Variants in CYYR1 observed in about 807,000 individuals in gnomAD.
The protein encoded by CYYR1 is cysteine and tyrosine-rich protein 1.
In CYYR1, 14 loss-of-function variants were observed where a neutral mutation model predicts 15.2. The ratio of observed to expected loss-of-function variants is 0.92; its 90% confidence interval spans 0.61 to 1.44. The LOEUF (loss-of-function observed/expected upper bound fraction) is 1.44, where lower values mean the gene tolerates loss of function less well. Ranked by LOEUF, CYYR1 falls within the 40% of genes most tolerant of loss-of-function variation. The pLI, the probability that CYYR1 is intolerant of heterozygous loss-of-function variation, is 0.00. For missense variants in CYYR1, 228 were observed against 209.5 expected, an observed-to-expected ratio of 1.09 and a Z score of -0.54; for synonymous variants, 80 against 77.4, an observed-to-expected ratio of 1.03 and a Z score of -0.18.
chr21:26,554,576 C>A (rs1197708328), intron 2 of CYYR1, among the ~76,000 whole-genome samples: 1 of 152,028 alleles, frequency 6.6e-6, no homozygotes, highest in Non-Finnish European at 1.5e-5. Context: ...ATTAAGGGCA[C>A]CATTTATTTC....
At chr21:26,572,827 C>T (rs369765568) in intron 1 of CYYR1, 41 bp downstream of exon 1, 3 of 1,608,912 alleles carry the variant, frequency 1.9e-6, no homozygotes, top group African/African-American at 1.3e-5. Context: ...CCAAGGGCAG[C>T]CCCGAGCCTC....
intron 2 of CYYR1, among the ~76,000 whole-genome samples, chr21:26,552,699 C>G (rs1315610481): frequency 6.6e-6 from 1 of 152,054 alleles, no homozygotes; most frequent in African/African-American, 2.4e-5. Context: ...ATATACTTAA[C>G]TCTTCATCAT....
At chr21:26,529,731 C>T (rs949847740) in intron 2 of CYYR1, among the ~76,000 whole-genome samples, 3 of 152,200 alleles carry the variant, frequency 2.0e-5, no homozygotes, top group African/African-American at 7.2e-5. Context: ...ATCAGCTGTA[C>T]ATAGTGCTAT....
At chr21:26,495,283 T>A (rs182183115) in intron 2 of CYYR1, among the ~76,000 whole-genome samples, 168 of 152,304 alleles carry the variant, frequency 1.1e-3, no homozygotes, top group African/African-American at 3.6e-3. Flanking sequence ...TAGTAATCTT[T>A]GGGTCCACAG....
At chr21:26,570,177 T>C (rs1980917044) in intron 1 of CYYR1, among the ~76,000 whole-genome samples, 1 of 152,176 alleles carries the variant, frequency 6.6e-6, no homozygotes, top group South Asian at 2.1e-4. Flanking sequence ...TCATTCCAAT[T>C]TGTCTTCAGA....
chr21:26,511,818 A>G lies in CYYR1; in HGVS notation c.177-31389T>C, dbSNP rs1223664608. 3.9e-5 allele frequency among the ~76,000 whole-genome samples: 6 copies of G among 152,132 alleles called. No individual in the cohort carries two copies. In the East Asian group the frequency reaches 1.2e-3, roughly 29 times the overall value. Reference sequence around the variant, plus strand: ...TTCTTTTAAGACACTTCTGCCATTCACTTTTATAAAAGACATCCAGAGAGC... The same window carrying G: ...TTCTTTTAAGACACTTCTGCCATTCGCTTTTATAAAAGACATCCAGAGAGC... On this transcript the variant is annotated intron_variant, in intron 2 of 3. Transcript: ENST00000652641.
chr21:26,573,068 T>G lies in CYYR1; in HGVS notation c.-128A>C, dbSNP rs1981118395. 1.3e-6 allele frequency: 2 copies of G among 1,542,282 alleles called. No individual in the cohort carries two copies. The highest frequency in any genetic ancestry group is 8.7e-7 in the Non-Finnish European group (1 of 1,145,044). On this transcript the variant is annotated 5_prime_UTR_variant, in exon 1 of 4. Transcript: ENST00000652641. ...CCGGGTGGAGCAGAGACCCGGCCAT[T>G]GCCTAGGGAGCCTTCCAAGGGAGCC...
intron 2 of CYYR1, among the ~76,000 whole-genome samples, chr21:26,559,826 C>T (rs980339205): frequency 1.3e-5 from 2 of 152,146 alleles, no homozygotes; most frequent in African/African-American, 4.8e-5. Flanking sequence ...TAACCAATAT[C>T]ACACAATTTC....
intron 2 of CYYR1, chr21:26,482,367 A>ATCCCACATT (rs1425496292): frequency 1.0e-6 from 1 of 985,220 alleles, no homozygotes; most frequent in African/African-American, 1.7e-5. Flanking sequence ...CATTATCAGT[A>ATCCCACATT]GCTTTTTCAT....
At chr21:26,543,950 C>T (rs1438834470) in intron 2 of CYYR1, among the ~76,000 whole-genome samples, 1 of 151,752 alleles carries the variant, frequency 6.6e-6, no homozygotes, top group Non-Finnish European at 1.5e-5. Context: ...AATAAATGGT[C>T]ACACATAGCT....
At chr21:26,559,271 T>A (rs948644433) in intron 2 of CYYR1, among the ~76,000 whole-genome samples, 1 of 152,202 alleles carries the variant, frequency 6.6e-6, no homozygotes, top group African/African-American at 2.4e-5. Flanking sequence ...TATGCCTTTT[T>A]TTGTGCACAC....
chr21:26,471,089 C>A (rs1198152097), intron 3 of CYYR1: 1 of 152,176 alleles, frequency 6.6e-6, no homozygotes, highest in Admixed American at 6.6e-5. Flanking sequence ...CCTGTGGAGT[C>A]TAAATACACA....
intron 3 of CYYR1, among the ~76,000 whole-genome samples, chr21:26,469,140 A>G (rs2065003785): frequency 6.6e-6 from 1 of 152,192 alleles, no homozygotes; most frequent in Non-Finnish European, 1.5e-5. Context: ...GAAAAGCTGC[A>G]ACAATGTAAT....
chr21:26,499,876 C>G (rs1419192848), intron 2 of CYYR1, among the ~76,000 whole-genome samples: 1 of 147,724 alleles, frequency 6.8e-6, no homozygotes, highest in Non-Finnish European at 1.5e-5. Flanking sequence ...TATGGTAGTG[C>G]AGGGAGAGAA....
chr21:26,533,872 C>A (rs1275246862), intron 2 of CYYR1, among the ~76,000 whole-genome samples: 3 of 152,116 alleles, frequency 2.0e-5, no homozygotes, highest in Non-Finnish European at 2.9e-5. Context: ...CCACCAAAGT[C>A]ACTTATTCTT....
chr21:26,562,727 AACACAC>A (rs58990363), intron 2 of CYYR1, among the ~76,000 whole-genome samples: 19,221 of 131,544 alleles, frequency 0.15, 1,330 homozygotes, highest in South Asian at 0.18. Flanking sequence ...TCTCCTCCTA[AACACAC>A]ACACACACAC....
intron 2 of CYYR1, among the ~76,000 whole-genome samples, chr21:26,529,529 C>A (rs557296987): frequency 6.6e-6 from 1 of 152,270 alleles, no homozygotes; most frequent in Non-Finnish European, 1.5e-5. Flanking sequence ...TAAATCTGTA[C>A]CAAGTGTGCT....
intron 3 of CYYR1, 72 bp downstream of exon 3, chr21:26,480,200 T>G: frequency 6.9e-7 from 1 of 1,440,196 alleles, no homozygotes; most frequent in South Asian, 1.4e-5. Flanking sequence ...ATCTAGAATG[T>G]TTCCTTCTCT....
intron 2 of CYYR1, among the ~76,000 whole-genome samples, chr21:26,521,410 T>A (rs1363894348): frequency 6.6e-6 from 1 of 152,220 alleles, no homozygotes; most frequent in Non-Finnish European, 1.5e-5. Flanking sequence ...AATTTTCACC[T>A]AGAGATATGC....
Sources: gnomAD v4.1 joint callset for allele counts (sites outside exome capture counted in the v4.1 genomes callset) on GRCh38, gnomAD v4.1.1 for gene constraint, MANE v1.5 for transcripts, NCBI Gene and HGNC (gene_info 2026-07-23, HGNC 2026-07-21) for gene names.